Variants in STK32B observed in about 807,000 individuals in gnomAD.
The protein encoded by STK32B is serine/threonine kinase 32B, also known as serine/threonine-protein kinase 32B.
Under a neutral mutation model 52.6 loss-of-function variants are expected in STK32B, and 43 were observed. The ratio of observed to expected loss-of-function variants is 0.82; its 90% CI spans 0.64 to 1.05. The LOEUF (loss-of-function observed/expected upper bound fraction) is 1.05. STK32B is among the 50% of genes least tolerant of loss of function. The probability of loss-of-function intolerance (pLI) is 0.00; values close to 1 mark genes in which losing one functional copy is unlikely to be tolerated. For missense variants in STK32B, 621 were observed against 534.6 expected, an observed-to-expected ratio of 1.16 and a Z score of -1.59; for synonymous variants, 238 against 204.3, an observed-to-expected ratio of 1.17 and a Z score of -1.41.
intron 3 of STK32B, among the ~76,000 whole-genome samples, chr4:5,281,251 A>G (rs1028325581): frequency 7.2e-5 from 11 of 152,194 alleles, no homozygotes; most frequent in Non-Finnish European, 5.9e-5. Context: ...ACAATTTGAC[A>G]TGAGATTTTG....
At chr4:5,357,615 A>G (rs922059994) in intron 4 of STK32B, among the ~76,000 whole-genome samples, 4 of 146,376 alleles carry the variant, frequency 2.7e-5, no homozygotes, top group Admixed American at 7.2e-5. Context: ...TACTAATGGC[A>G]GTAAAAACTG....
At chr4:5,069,190 CTTTTT>C (rs11309394) in intron 1 of STK32B, among the ~76,000 whole-genome samples, 1 of 99,578 alleles carries the variant, frequency 1.0e-5, no homozygotes, top group Non-Finnish European at 2.0e-5. Context: ...GGCAGGTTCT[CTTTTT>C]TTTTTTTTTT....
At chr4:5,212,853 C>T (rs1461685578) in intron 3 of STK32B, among the ~76,000 whole-genome samples, 2 of 152,088 alleles carry the variant, frequency 1.3e-5, no homozygotes, top group Non-Finnish European at 2.9e-5. Flanking sequence ...AGAGGAAACA[C>T]GCTTTTTATG....
intron 3 of STK32B, among the ~76,000 whole-genome samples, chr4:5,330,195 G>A (rs144400772): frequency 2.0e-5 from 3 of 152,224 alleles, no homozygotes; most frequent in African/African-American, 7.2e-5. Context: ...AATATCTGAG[G>A]ATCTAAGACA....
intron 3 of STK32B, among the ~76,000 whole-genome samples, chr4:5,191,122 G>C (rs1203388951): frequency 2.0e-5 from 3 of 152,148 alleles, no homozygotes; most frequent in Non-Finnish European, 4.4e-5. Context: ...CTGCTGTGAA[G>C]TAAAAACCTT....
intron 3 of STK32B, among the ~76,000 whole-genome samples, chr4:5,280,425 C>T (rs1454202265): frequency 1.3e-5 from 2 of 152,104 alleles, no homozygotes; most frequent in Admixed American, 1.3e-4. Flanking sequence ...CCAAACTTTC[C>T]CTCATCTTCC....
intron 5 of STK32B, among the ~76,000 whole-genome samples, chr4:5,404,477 A>G (rs1374178822): frequency 6.6e-6 from 1 of 152,128 alleles, no homozygotes; most frequent in Non-Finnish European, 1.5e-5. Context: ...TTATCCCTCA[A>G]TCAACTGTTA....
At position 5,499,256 on chromosome 4, in the gene STK32B, C is replaced by T. The variant is rs1011120533; in HGVS notation, c.*173C>T. ...TCTGGTCCCATCTCCATGACTGATT[C>T]ACGTGTGACCTCAGACAAGTCACGC... On this transcript the variant is annotated 3_prime_UTR_variant, in exon 12 of 12. Transcript: ENST00000282908. 1 of 852,672 alleles carries T rather than the reference C, an allele frequency of 1.2e-6. No homozygotes were observed. Among genetic ancestry groups the T allele is most frequent in the East Asian group, 3.1e-5 (1 of 31,890 alleles). The allele number at this position is 852,672 out of a possible 1,614,324, so 52.8% of individuals were successfully genotyped here. A position where few individuals can be genotyped will look rare whatever the true frequency, so the allele number is the denominator to read the frequency against.
At chr4:5,051,063 A>T (rs1741749556), upstream of STK32B, among the ~76,000 whole-genome samples, 1 of 152,156 alleles carries the variant, frequency 6.6e-6, no homozygotes, top group Non-Finnish European at 1.5e-5. Context: ...CCTTAAGAGG[A>T]ACAGCGTCGG....
At chr4:5,128,192 T>G (rs1715529893) in intron 1 of STK32B, among the ~76,000 whole-genome samples, 1 of 152,208 alleles carries the variant, frequency 6.6e-6, no homozygotes, top group East Asian at 1.9e-4. Context: ...ACCTTCCCTT[T>G]GGACTTCTGG....
the STK32B span, among the ~76,000 whole-genome samples, chr4:5,022,381 TC>T: frequency 6.6e-6 from 1 of 152,126 alleles, no homozygotes; most frequent in African/African-American, 2.4e-5. Context: ...CTGACGTGGC[TC>T]CCCACCAGGG....
In STK32B at chr4:5,411,957, G is replaced by C. The variant is rs1226659339; in HGVS notation, c.473-4888G>C. 5.3e-5 allele frequency among the ~76,000 whole-genome samples: 8 copies of C among 152,278 alleles called. No individual in the cohort carries two copies. The East Asian group carries it at 1.5e-3, about 29-fold the overall frequency. On this transcript the variant is annotated intron_variant, in intron 5 of 11. Transcript: ENST00000282908. Reference sequence around the variant, plus strand: ...GAGCGCAAAAACTAGAGTAGAAAAAGCTAGTCTATCAATCGTGTAAGTCCT... The same window carrying C: ...GAGCGCAAAAACTAGAGTAGAAAAACCTAGTCTATCAATCGTGTAAGTCCT...
intron 3 of STK32B, among the ~76,000 whole-genome samples, chr4:5,221,825 C>A (rs1723554884): frequency 1.4e-5 from 2 of 138,214 alleles, no homozygotes; most frequent in South Asian, 4.6e-4. Context: ...CACTGCATTC[C>A]AGCCTGGAGA....
intron 5 of STK32B, among the ~76,000 whole-genome samples, chr4:5,413,291 C>A (rs936447176): frequency 6.6e-6 from 1 of 152,168 alleles, no homozygotes; most frequent in Non-Finnish European, 1.5e-5. Context: ...TAGCAAGGAA[C>A]AAAGAGCCCA....
intron 3 of STK32B, among the ~76,000 whole-genome samples, chr4:5,314,775 G>A (rs1229396458): frequency 2.6e-5 from 4 of 152,054 alleles, no homozygotes; most frequent in African/African-American, 7.2e-5. Flanking sequence ...CAGTCACATA[G>A]CCAACAAAGT....
At chr4:5,072,532 A>G (rs563881717) in intron 1 of STK32B, among the ~76,000 whole-genome samples, 2 of 152,224 alleles carry the variant, frequency 1.3e-5, no homozygotes, top group South Asian at 4.2e-4. Context: ...TTTCAACACC[A>G]AGACACTGAG....
intron 3 of STK32B, among the ~76,000 whole-genome samples, chr4:5,315,809 A>G (rs1247668989): frequency 3.3e-5 from 5 of 150,664 alleles, no homozygotes; most frequent in African/African-American, 7.3e-5. Flanking sequence ...GGTTCAAGCT[A>G]TTCTCCTGCC....
At chr4:5,440,497 A>G (rs1262200583) in intron 6 of STK32B, among the ~76,000 whole-genome samples, 2 of 152,070 alleles carry the variant, frequency 1.3e-5, no homozygotes, top group Non-Finnish European at 2.9e-5. Context: ...GCTTAAGGAG[A>G]TTTTGGGCTG....
intron 3 of STK32B, among the ~76,000 whole-genome samples, chr4:5,296,584 C>G (rs898727605): frequency 6.6e-6 from 1 of 152,084 alleles, no homozygotes; most frequent in Non-Finnish European, 1.5e-5. Flanking sequence ...GGGATTGCAA[C>G]CCCTGCTGTT....
Sources: gnomAD v4.1 joint callset for allele counts (sites outside exome capture counted in the v4.1 genomes callset) on GRCh38, gnomAD v4.1.1 for gene constraint, MANE v1.5 for transcripts, NCBI Gene and HGNC (gene_info 2026-07-23, HGNC 2026-07-21) for gene names.